The following PIR variants were observed in gnomAD, a reference collection of about 807,000 sequenced individuals.
The protein encoded by PIR is pirin (iron-binding nuclear protein).
Under a neutral mutation model 24.2 loss-of-function variants are expected in PIR, and 22 were observed. The ratio of observed to expected loss-of-function variants is 0.91; its 90% CI spans 0.65 to 1.30. The LOEUF (loss-of-function observed/expected upper bound fraction) is 1.30. PIR is among the 50% of genes most tolerant of loss of function. PIR has a pLI of 0.00. For missense variants in PIR, 220 were observed against 220.3 expected (o/e 1.00, Z 0.01); for synonymous variants, 80 against 79.6 (o/e 1.00, Z -0.03).
chrX:15,484,306 C>CTTTTTTTTTTT (rs1193474348), intron 2 of PIR, among the ~76,000 whole-genome samples: 3 of 67,488 alleles, frequency 4.4e-5, no homozygotes, highest in Non-Finnish European at 8.1e-5. Context: ...TCTCAATTTT[C>CTTTTTTTTTTT]TTTTTTTTTT....
chrX:15,478,743 C>A (rs762506671), intron 3 of PIR, among the ~76,000 whole-genome samples: 1 of 111,641 alleles, frequency 9.0e-6, no homozygotes, highest in Non-Finnish European at 1.9e-5. Flanking sequence ...ATGAGGCAAG[C>A]AGGGATCATG....
intron 4 of PIR, among the ~76,000 whole-genome samples, chrX:15,459,332 TGA>T (rs760472587): frequency 3.6e-5 from 4 of 112,033 alleles, no homozygotes; most frequent in Middle Eastern, 4.6e-3. Context: ...AAGGGGCTAC[TGA>T]GAGGCCAAAT....
chrX:15,433,530 AAGAAAGAAAGAAAGAG>A (rs1569201498), intron 5 of PIR, among the ~76,000 whole-genome samples: 1 of 79,255 alleles, frequency 1.3e-5, no homozygotes, highest in African/African-American at 5.2e-5. Flanking sequence ...GAAAGAAAGA[AAGAAAGAAAGAAAGAG>A]AGAGAAAGAA....
At position 15,412,404 on chromosome X, in the gene PIR, T is replaced by C. The variant is rs139787776; in HGVS notation, c.566-4854A>G. ...CCCTCCCAGATTTAGAGAATTTTCA[T>C]TTATTTTCAATACTTTAATTTTTAA... On this transcript the variant is annotated intron_variant, in intron 6 of 9. Transcript: ENST00000380420. 7.0e-3 allele frequency among the ~76,000 whole-genome samples: 788 copies of C among 112,385 alleles called. 8 individuals carry two copies. The highest frequency in any genetic ancestry group is 0.023 in the African/African-American group (724 of 30,965).
At chrX:15,477,190 G>C (rs970104461) in intron 3 of PIR, among the ~76,000 whole-genome samples, 1 of 111,536 alleles carries the variant, frequency 9.0e-6, no homozygotes, top group African/African-American at 3.3e-5. Flanking sequence ...TACAAGTGGG[G>C]CTGGCTTTAA....
intron 3 of PIR, among the ~76,000 whole-genome samples, chrX:15,472,714 G>A (rs1037096159): frequency 2.7e-5 from 3 of 112,028 alleles, no homozygotes; most frequent in Non-Finnish European, 3.8e-5. Flanking sequence ...TTTCTGGGCT[G>A]ATGAAAGTGT....
chrX:15,441,705 G>A (rs771138104), intron 5 of PIR, among the ~76,000 whole-genome samples: 17 of 111,371 alleles, frequency 1.5e-4, no homozygotes, highest in Non-Finnish European at 2.5e-4. Flanking sequence ...GATCCAGCTG[G>A]TAAGAGTAAT....
chrX:15,463,137 C>A lies in PIR; in HGVS notation c.190-3397G>T, dbSNP rs140595898. Among the ~76,000 whole-genome samples, 685 of 111,764 alleles carry A rather than the reference C, an allele frequency of 6.1e-3. 7 individuals carry two copies. The highest frequency in any genetic ancestry group is 0.021 in the African/African-American group (660 of 30,733). On this transcript the variant is annotated intron_variant, in intron 3 of 9. Coordinates refer to ENST00000380420, the MANE Select transcript of PIR (RefSeq NM_001018109.3). ...ACCCGTGGTGGTAGCCTACAGGGGT[C>A]TAGCACAGCTGGTGAGATCTGAGTA...
chrX:15,390,331 T>C (rs1022721214), intron 8 of PIR, 80 bp from the exon 9 acceptor site: 2 of 567,642 alleles, frequency 3.5e-6, no homozygotes, highest in Non-Finnish European at 5.7e-6. Context: ...GAAATTGACA[T>C]GCTAGCCAAA....
chrX:15,477,493 G>A (rs972885244), intron 3 of PIR, among the ~76,000 whole-genome samples: 2 of 111,515 alleles, frequency 1.8e-5, no homozygotes, highest in African/African-American at 6.5e-5. Context: ...AACAAATATT[G>A]TTGATTAATT....
chrX:15,434,349 G>A (rs987788195), intron 5 of PIR, among the ~76,000 whole-genome samples: 3 of 105,895 alleles, frequency 2.8e-5, no homozygotes, highest in African/African-American at 6.9e-5. Flanking sequence ...GAAAAAGGAG[G>A]GGGAAGGAGA....
At chrX:15,421,634 A>T (rs182869894) in intron 6 of PIR, among the ~76,000 whole-genome samples, 2,207 of 102,351 alleles carry the variant, frequency 0.022, 63 homozygotes, top group African/African-American at 0.076. Flanking sequence ...TAGTAATGAG[A>T]TAGAAGCCAT....
intron 5 of PIR, among the ~76,000 whole-genome samples, chrX:15,448,574 C>T (rs1375977425): frequency 8.9e-6 from 1 of 112,196 alleles, no homozygotes; most frequent in East Asian, 2.8e-4. Context: ...ATACAACAAA[C>T]GTTGGCCTTA....
chrX:15,470,233 T>C (rs1186340230), intron 3 of PIR, among the ~76,000 whole-genome samples: 1 of 111,426 alleles, frequency 9.0e-6, no homozygotes, highest in Non-Finnish European at 1.9e-5. Flanking sequence ...GAGATAACAA[T>C]TTTTACTTTT....
At chrX:15,388,249 T>C (rs191933232) in intron 9 of PIR, among the ~76,000 whole-genome samples, 4 of 112,500 alleles carry the variant, frequency 3.6e-5, no homozygotes, top group Non-Finnish European at 5.6e-5. Context: ...AACTTTGGTA[T>C]AGTGGAGCGA....
intron 6 of PIR, among the ~76,000 whole-genome samples, chrX:15,409,263 T>G (rs1423739089): frequency 2.4e-5 from 1 of 41,700 alleles, no homozygotes; most frequent in Non-Finnish European, 4.6e-5. Flanking sequence ...CATGCCCAGC[T>G]AATTTTTGTA....
At chrX:15,410,602 G>A (rs1924711995) in intron 6 of PIR, among the ~76,000 whole-genome samples, 1 of 110,921 alleles carries the variant, frequency 9.0e-6, no homozygotes, top group African/African-American at 3.3e-5. Context: ...GCCTAGATCT[G>A]TTTTTTTTCC....
Position 15,401,882 on chromosome X carries a change from G to A in PIR, c.611-4351C>T, listed in dbSNP as rs189641419. 4.6e-3 allele frequency among the ~76,000 whole-genome samples: 507 copies of A among 110,992 alleles called. 4 individuals carry two copies. Among genetic ancestry groups the A allele is most frequent in the African/African-American group, 0.016 (483 of 30,470 alleles). ...TGCTGTCCTATTTATTCTCTGTTCC[G>A]TACACTCTAGTACTTCTATCATAGG... On this transcript the variant is annotated intron_variant, in intron 7 of 9. Transcript: ENST00000380420.
chrX:15,426,734 T>C (rs1431367312), intron 5 of PIR, among the ~76,000 whole-genome samples: 1 of 112,320 alleles, frequency 8.9e-6, no homozygotes, highest in Non-Finnish European at 1.9e-5. Context: ...AAAAAGCACA[T>C]AACCTTAAGC....
Sources: gnomAD v4.1 joint callset for allele counts (sites outside exome capture counted in the v4.1 genomes callset) on GRCh38, gnomAD v4.1.1 for gene constraint, MANE v1.5 for transcripts, NCBI Gene and HGNC (gene_info 2026-07-23, HGNC 2026-07-21) for gene names.